Variants in STPG2 observed in about 807,000 individuals in gnomAD.
The protein encoded by STPG2 is sperm tail PG-rich repeat containing 2, also known as sperm-tail PG-rich repeat-containing protein 2.
STPG2 carries 56 observed loss-of-function variants against 54.2 expected under a neutral mutation model. The observed-to-expected ratio is 1.03, with a 90% confidence interval of 0.83 to 1.29. STPG2 has a LOEUF of 1.29. Ranked by LOEUF, STPG2 falls within the 50% of genes most tolerant of loss-of-function variation. STPG2 has a pLI of 0.00. For synonymous variants in STPG2, 200 were observed against 181.8 expected (o/e 1.10, Z -0.81); for missense variants, 596 against 544.9 (o/e 1.09, Z -0.93).
At chr4:97,577,503 C>G (rs1485365623) in intron 10 of STPG2, among the ~76,000 whole-genome samples, 1 of 152,092 alleles carries the variant, frequency 6.6e-6, no homozygotes, top group Non-Finnish European at 1.5e-5. Flanking sequence ...CAAATACCGC[C>G]TGTTCTCAGT....
chr4:98,078,453 A>G (rs1738238299), intron 5 of STPG2, among the ~76,000 whole-genome samples: 2 of 152,168 alleles, frequency 1.3e-5, no homozygotes, highest in Admixed American at 1.3e-4. Context: ...CTACAGTATT[A>G]TGTAAAGAGT....
intron 10 of STPG2, among the ~76,000 whole-genome samples, chr4:97,564,712 T>G (rs531548800): frequency 3.9e-4 from 60 of 152,320 alleles, no homozygotes; most frequent in Middle Eastern, 6.8e-3. Context: ...TGGCTTGATA[T>G]GAAATTCTGG....
Position 97,972,367 on chromosome 4 carries a change from C to T in STPG2, c.846G>A (p.Lys282=). ...GAACAGAAGAACCAAATGCACTTTTCTTCTGTTTCTTTGAGCAGATATTTC... is the reference window on the plus strand; with the variant it reads ...GAACAGAAGAACCAAATGCACTTTTTTTCTGTTTCTTTGAGCAGATATTTC... ...SVRNICSKKQ[K]KSAFGSSVPR... The change falls in exon 7 of 11, where the codon AAG becomes AAA. Residue 282 remains lysine (K), a synonymous_variant. Transcript: ENST00000295268. 1.9e-6 allele frequency: 3 copies of T among 1,610,248 alleles called. No individual in the cohort carries two copies. Among genetic ancestry groups the T allele is most frequent in the Non-Finnish European group, 1.7e-6 (2 of 1,177,690 alleles).
intron 10 of STPG2, among the ~76,000 whole-genome samples, chr4:97,612,261 C>CA (rs202198020): frequency 0.014 from 1,836 of 134,030 alleles, 35 homozygotes; most frequent in African/African-American, 0.047. Flanking sequence ...AAAAAAAAAA[C>CA]AAAAAAAAAC....
At chr4:97,902,673 G>C (rs552981726) in intron 8 of STPG2, among the ~76,000 whole-genome samples, 1 of 152,096 alleles carries the variant, frequency 6.6e-6, no homozygotes, top group South Asian at 2.1e-4. Context: ...GTGTAGAAAA[G>C]AAAGCTCTTA....
intron 4 of STPG2, among the ~76,000 whole-genome samples, chr4:97,451,011 G>C (rs1000805523): frequency 1.3e-5 from 2 of 152,072 alleles, no homozygotes; most frequent in Non-Finnish European, 2.9e-5. Flanking sequence ...TGGAGGCAGG[G>C]AAGACACTAT....
chr4:97,627,497 G>A (rs934242702), intron 10 of STPG2, among the ~76,000 whole-genome samples: 4 of 152,084 alleles, frequency 2.6e-5, no homozygotes, highest in African/African-American at 9.7e-5. Flanking sequence ...TGAAAGAAAA[G>A]TACTGATGTG....
intron 10 of STPG2, among the ~76,000 whole-genome samples, chr4:97,612,638 C>T (rs1377666673): frequency 6.6e-6 from 1 of 152,034 alleles, no homozygotes; most frequent in African/African-American, 2.4e-5. Context: ...TGTAGTCTCA[C>T]TTACAAAGGA....
At chr4:97,609,591 C>A (rs1322600582) in intron 10 of STPG2, among the ~76,000 whole-genome samples, 1 of 151,924 alleles carries the variant, frequency 6.6e-6, no homozygotes, top group Non-Finnish European at 1.5e-5. Context: ...AAAGGAAGAA[C>A]TTTATTGTAT....
Position 98,027,620 on chromosome 4 carries a change from C to T in STPG2, c.613-46302G>A, listed in dbSNP as rs573973002. ...GTGTAGAACACCAGACAAACATTTCCATTCAAAAAAGAAAAATGGGAAGAA... is the reference window on the plus strand; with the variant it reads ...GTGTAGAACACCAGACAAACATTTCTATTCAAAAAAGAAAAATGGGAAGAA... On this transcript the variant is annotated intron_variant, in intron 5 of 10. Coordinates refer to ENST00000295268, the MANE Select transcript of STPG2 (RefSeq NM_174952.3). Among the ~76,000 whole-genome samples the T allele has an allele frequency of 1.3e-4, 20 of 152,180 alleles. No individual in the cohort carries two copies. The South Asian group carries it at 4.1e-3, about 32-fold the overall frequency.
intron 5 of STPG2, among the ~76,000 whole-genome samples, chr4:97,983,798 C>T (rs1734749371): frequency 6.6e-6 from 1 of 152,176 alleles, no homozygotes; most frequent in Admixed American, 6.5e-5. Flanking sequence ...GACATACACA[C>T]ATTCACAGAG....
intron 9 of STPG2, among the ~76,000 whole-genome samples, chr4:97,722,138 TA>T (rs1724469949): frequency 6.7e-6 from 1 of 149,496 alleles, no homozygotes; most frequent in Admixed American, 6.7e-5. Flanking sequence ...CTTCAGCAAA[TA>T]CTGAAATCTA....
rs1735717528 is a variant in STPG2 at position 98,010,687 on chromosome 4, T to C, written c.613-29369A>G. On this transcript the variant is annotated intron_variant, in intron 5 of 10. Transcript: ENST00000295268. ...TATTGCTATTTTGCTGATTTTTTTC[T>C]GGTTGTTTTGTAGAATCCATTGTTT... Among the ~76,000 whole-genome samples the C allele has an allele frequency of 2.6e-5, 4 of 152,160 alleles. No individual in the cohort carries two copies. In the South Asian group the frequency reaches 8.3e-4, roughly 31 times the overall value.
intron 8 of STPG2, among the ~76,000 whole-genome samples, chr4:97,866,180 T>C (rs1198666650): frequency 6.6e-6 from 1 of 151,908 alleles, no homozygotes; most frequent in Non-Finnish European, 1.5e-5. Context: ...ATAATAGTAT[T>C]TGATAGTACA....
At chr4:98,136,960 T>C (rs1352967093) in intron 1 of STPG2, among the ~76,000 whole-genome samples, 3 of 151,554 alleles carry the variant, frequency 2.0e-5, no homozygotes, top group South Asian at 4.1e-4. Flanking sequence ...ACAGATGAGA[T>C]AAATGGAAAG....
chr4:97,495,445 G>T (rs1019035207), intron 4 of STPG2, among the ~76,000 whole-genome samples: 1 of 151,104 alleles, frequency 6.6e-6, no homozygotes, highest in Non-Finnish European at 1.5e-5. Flanking sequence ...TATAGTATTC[G>T]TTTTTATGTG....
intron 8 of STPG2, among the ~76,000 whole-genome samples, chr4:97,877,335 T>A (rs141509809): frequency 9.6e-4 from 146 of 152,228 alleles, no homozygotes; most frequent in Non-Finnish European, 1.6e-3. Context: ...TGGTAAAATA[T>A]GGGCAAAGGA....
chr4:97,866,667 C>T (rs77528183), intron 8 of STPG2, among the ~76,000 whole-genome samples: 1,581 of 151,836 alleles, frequency 0.01, 31 homozygotes, highest in African/African-American at 0.036. Context: ...GGATCATAAA[C>T]TTTTTTTTCA....
At chr4:98,113,554 T>A (rs1333282236) in intron 3 of STPG2, among the ~76,000 whole-genome samples, 1 of 152,092 alleles carries the variant, frequency 6.6e-6, no homozygotes, top group East Asian at 1.9e-4. Context: ...TGCAAATCCC[T>A]TCTGCTGCAA....
Sources: allele counts gnomAD v4.1 joint callset (sites outside exome capture counted in the v4.1 genomes callset), GRCh38; gene constraint gnomAD v4.1.1; transcripts MANE v1.5; gene names NCBI Gene and HGNC (gene_info 2026-07-23, HGNC 2026-07-21).